The following AEN variants were observed in gnomAD, a reference collection of about 807,000 sequenced individuals.
AEN encodes apoptosis enhancing nuclease, also known as apoptosis-enhancing nuclease.
A neutral mutation model predicts 17.7 loss-of-function variants in AEN; 21 were observed. The observed-to-expected ratio is 1.19, with a 90% CI of 0.84 to 1.71. AEN has a LOEUF of 1.71. Ranked by LOEUF, AEN falls within the 40% of genes most tolerant of loss-of-function variation. The pLI is 0.00. For missense variants in AEN, 462 were observed against 435.9 expected (o/e 1.06, Z -0.53); for synonymous variants, 190 against 173.0 (o/e 1.10, Z -0.77).
chr15:88,622,237 G>A (rs939593822), intron 1 of AEN, among the ~76,000 whole-genome samples: 1 of 152,164 alleles, frequency 6.6e-6, no homozygotes, highest in African/African-American at 2.4e-5. Context: ...CTGACCCCCA[G>A]AGCGCTGGGT....
chr15:88,610,404 C>T, the AEN span, among the ~76,000 whole-genome samples: 16 of 151,274 alleles, frequency 1.1e-4, no homozygotes, highest in Non-Finnish European at 1.5e-4. Flanking sequence ...CAGTTTTCTA[C>T]AGCTGGGAAT....
At chr15:88,626,998 T>C in intron 2 of AEN, 1 of 494,336 alleles carries the variant, frequency 2.0e-6, no homozygotes, top group Admixed American at 3.7e-5. Context: ...TGTAAGGTGA[T>C]AAATAGCTTA....
At chr15:88,625,149 G>T (rs751222908) in intron 1 of AEN, among the ~76,000 whole-genome samples, 35 of 152,310 alleles carry the variant, frequency 2.3e-4, no homozygotes, top group Non-Finnish European at 4.9e-4. Flanking sequence ...ACAGAAATCT[G>T]CAAGCACTTC....
chr15:88,608,105 T>C, the AEN span: 22 of 527,666 alleles, frequency 4.2e-5, no homozygotes, highest in Non-Finnish European at 7.9e-5. Context: ...TGAGCTCTTA[T>C]TGGCTGGAAA....
upstream of AEN, among the ~76,000 whole-genome samples, chr15:88,620,433 G>A (rs982920150): frequency 4.0e-5 from 6 of 150,750 alleles, no homozygotes; most frequent in Admixed American, 2.6e-4. Flanking sequence ...TTTTTGAGAC[G>A]GAGTTTTGCT....
intron 1 of AEN, 46 bp from the exon 2 acceptor site, chr15:88,626,100 T>G: frequency 1.5e-6 from 2 of 1,300,906 alleles, no homozygotes; most frequent in Non-Finnish European, 2.0e-6. Context: ...GTGGGCTGCC[T>G]GGCACACTCT....
chr15:88,625,286 G>A (rs940350843), intron 1 of AEN, among the ~76,000 whole-genome samples: 6 of 152,260 alleles, frequency 3.9e-5, no homozygotes, highest in South Asian at 2.1e-4. Flanking sequence ...TTGGGAGGCC[G>A]AAGTGGGCGG....
intron 1 of AEN, among the ~76,000 whole-genome samples, chr15:88,623,777 C>G (rs1389914460): frequency 1.2e-4 from 19 of 152,200 alleles, no homozygotes; most frequent in Admixed American, 1.2e-3. Context: ...CAGGGGACAC[C>G]AGATTGCGGT....
chr15:88,629,306 T>G lies in AEN; in HGVS notation c.621T>G (p.Pro207=), dbSNP rs777291807. Residue 207 remains proline, a synonymous_variant, in exon 3 of 4, where the codon CCT becomes CCG. Transcript: ENST00000332810. ...NDFQALKYVH[P]RSQTRDTTYV... ...TCCAGGCGCTCAAGTATGTCCACCCTCGGAGCCAGACCCGGGATACGACCT... is the reference window on the plus strand; with the variant it reads ...TCCAGGCGCTCAAGTATGTCCACCCGCGGAGCCAGACCCGGGATACGACCT... 1 of 1,614,064 alleles carries G rather than the reference T, an allele frequency of 6.2e-7. No individual in the cohort carries two copies. The highest frequency in any genetic ancestry group is 1.3e-5 in the African/African-American group (1 of 75,004).
At position 88,631,034 on chromosome 15, in the gene AEN, G is replaced by A; in HGVS notation, c.*740G>A. On this transcript the variant is annotated 3_prime_UTR_variant, in exon 4 of 4. Coordinates refer to ENST00000332810, the MANE Select transcript of AEN (RefSeq NM_022767.4). ...AGCCCCAGGCACAGCTCAGGGAGGAGGGAAGGCAGGTAAGCTTTGGACGAG... is the reference window on the plus strand; with the variant it reads ...AGCCCCAGGCACAGCTCAGGGAGGAAGGAAGGCAGGTAAGCTTTGGACGAG... The A allele has an allele frequency of 2.2e-6, 1 of 445,258 alleles. No individual in the cohort carries two copies. Among genetic ancestry groups the A allele is most frequent in the South Asian group, 1.6e-5 (1 of 64,258 alleles). 27.6% of individuals were successfully genotyped at this position (445,258 alleles called of 1,614,324 possible).
rs1396070928 is a variant in AEN, at chr15:88,631,301, G to C, written c.*1007G>C. On this transcript the variant is annotated 3_prime_UTR_variant, in exon 4 of 4. Transcript: ENST00000332810. ...TACGCAGTGGCCCTGAACCTGGTCT[G>C]GTGCCCCCGAACCTGGTCTGATGCC... The C allele has an allele frequency of 2.7e-6, 1 of 373,844 alleles. No homozygotes were observed. The highest frequency in any genetic ancestry group is 5.7e-6 in the Non-Finnish European group (1 of 174,260). The allele number at this position is 373,844 out of a possible 1,614,324, so 23.2% of individuals were successfully genotyped here.
chr15:88,626,070 CAGGGAGGG>C lies in AEN; in HGVS notation c.-64-67_-64-60del, dbSNP rs202107717. The C allele has an allele frequency of 8.4e-5, 73 of 874,132 alleles. 1 individual carries two copies. The South Asian group carries it at 9.5e-4, about 11-fold the overall frequency. 54.1% of individuals were successfully genotyped at this position (874,132 alleles called of 1,614,324 possible). On this transcript the variant is annotated intron_variant, in intron 1 of 3. Transcript: ENST00000332810. ...CGGGCATCCCCACCGTGGTGCACTG[CAGGGAGGG>C]AGGGAGGGTGGGTGGGCTGCCTGGC...
Position 88,627,217 on chromosome 15 carries a change from C to CT in AEN, c.540+473dup, listed in dbSNP as rs1351540860. On this transcript the variant is annotated intron_variant, in intron 2 of 3. Coordinates refer to ENST00000332810, the MANE Select transcript of AEN (RefSeq NM_022767.4). ...GCTTGACCTTAGAAACACCTAAGTC[C>CT]TTTTTAACAATCTAGGATCCTTGTC... The CT allele has an allele frequency of 4.0e-5, 7 of 176,756 alleles. No homozygotes were observed. The South Asian group carries it at 6.9e-4, about 18-fold the overall frequency. The allele number at this position is 176,756 out of a possible 1,614,324, so 10.9% of individuals were successfully genotyped here.
the AEN span, among the ~76,000 whole-genome samples, chr15:88,616,267 T>C: frequency 5.3e-5 from 8 of 152,308 alleles, no homozygotes; most frequent in African/African-American, 1.2e-4. Flanking sequence ...CTAATTTTTG[T>C]ATTTTTAGTA....
Position 88,626,597 on chromosome 15 carries a change from G to T in AEN, c.388G>T (p.Ala130Ser). ...TGPRGRVSEL[A>S]RCSIVSYHGN... ...ACCCCGAGGGCGGGTAAGCGAGCTG[G>T]CCCGCTGTTCCATTGTGAGCTACCA... is the stretch of plus-strand genomic sequence containing the variant. Residue 130 changes from alanine to serine, a missense_variant, in exon 2 of 4, where the codon GCC becomes TCC. Coordinates refer to ENST00000332810, the MANE Select transcript of AEN (RefSeq NM_022767.4). The T allele has an allele frequency of 1.2e-6, 2 of 1,614,092 alleles. No individual in the cohort carries two copies. The highest frequency in any genetic ancestry group is 1.7e-6 in the Non-Finnish European group (2 of 1,180,024).
Position 88,630,778 on chromosome 15 carries a change from TA to T in AEN, c.*485del, listed in dbSNP as rs1433383096. On this transcript the variant is annotated 3_prime_UTR_variant, in exon 4 of 4. Coordinates refer to ENST00000332810, the MANE Select transcript of AEN (RefSeq NM_022767.4). The surrounding 1 kb of genome is among the most constrained non-coding windows in gnomAD (Gnocchi z 5.1). ...GTAAAGTTCTCTTCCTTTTGTTGCC[TA>T]CCTCTTCCTCCACTCATTTGGGTTC... 4.5e-6 allele frequency: 1 copy of T among 220,028 alleles called. No individual in the cohort carries two copies. Among genetic ancestry groups the T allele is most frequent in the Non-Finnish European group, 9.5e-6 (1 of 105,704 alleles). 13.6% of individuals were successfully genotyped at this position (220,028 alleles called of 1,614,324 possible).
the AEN span, among the ~76,000 whole-genome samples, chr15:88,615,693 C>T: frequency 6.6e-6 from 1 of 152,126 alleles, no homozygotes; most frequent in Non-Finnish European, 1.5e-5. Flanking sequence ...GCCCCACAGC[C>T]TGATTTTCTG....
the AEN span, among the ~76,000 whole-genome samples, chr15:88,616,068 C>T: frequency 3.5e-4 from 53 of 151,524 alleles, no homozygotes; most frequent in Non-Finnish European, 6.9e-4. Context: ...TATAAAGGAG[C>T]CCTCGTCTTT....
the AEN span, among the ~76,000 whole-genome samples, chr15:88,609,267 C>G: frequency 6.6e-6 from 1 of 152,208 alleles, no homozygotes; most frequent in Non-Finnish European, 1.5e-5. Context: ...TTGATTCCCT[C>G]AAACTCAGTT....
Sources: gnomAD v4.1 joint callset for allele counts (sites outside exome capture counted in the v4.1 genomes callset) on GRCh38, gnomAD v4.1.1 for gene constraint, Gnocchi (gnomAD v3.1) non-coding constraint, MANE v1.5 for transcripts, NCBI Gene and HGNC (gene_info 2026-07-23, HGNC 2026-07-21) for gene names.